Variants in EYA4 observed in about 807,000 individuals in gnomAD.
EYA4 encodes EYA transcriptional coactivator and phosphatase 4.
EYA4 carries 31 observed loss-of-function variants against 87.9 expected under a neutral mutation model. The observed-to-expected ratio is 0.35, with a 90% CI of 0.27 to 0.48. EYA4 has a LOEUF of 0.48. Among genes scored for constraint, EYA4 ranks in the 20% least tolerant of loss-of-function variants. EYA4 has a pLI of 0.99. For synonymous variants in EYA4, 263 were observed against 270.6 expected (o/e 0.97, Z 0.28); for missense variants, 678 against 761.4 (o/e 0.89, Z 1.29).
chr6:133,241,749 G>A lies in EYA4; in HGVS notation c.-66G>A, dbSNP rs1773954939. The A allele has an allele frequency of 6.6e-6, 1 of 152,478 alleles. No individual in the cohort carries two copies. The highest frequency in any genetic ancestry group is 6.5e-5 in the Admixed American group (1 of 15,290). 9.4% of individuals were successfully genotyped at this position (152,478 alleles called of 1,614,324 possible). On this transcript the variant is annotated splice_region_variant and 5_prime_UTR_variant, in exon 1 of 20. Coordinates refer to ENST00000355286, the MANE Select transcript of EYA4 (RefSeq NM_004100.5). Reference sequence around the variant, plus strand: ...GAACCCGAGGCGGACCGGGCGACGAGGTGAGTGACCCCTTCTTCCAACCCC... The same window carrying A: ...GAACCCGAGGCGGACCGGGCGACGAAGTGAGTGACCCCTTCTTCCAACCCC...
chr6:133,243,172 G>A (rs1387722948), intron 1 of EYA4, among the ~76,000 whole-genome samples: 1 of 151,582 alleles, frequency 6.6e-6, no homozygotes, highest in African/African-American at 2.4e-5. Context: ...AAACCCAGTG[G>A]GCCGTTGGCC....
intron 2 of EYA4, among the ~76,000 whole-genome samples, chr6:133,317,489 G>T (rs1168518764): frequency 1.3e-5 from 2 of 151,940 alleles, no homozygotes; most frequent in African/African-American, 2.4e-5. Flanking sequence ...ATGTATTTCT[G>T]CTCTCTTTGC....
At chr6:133,385,544 G>A (rs1583135532) in intron 3 of EYA4, among the ~76,000 whole-genome samples, 1 of 151,824 alleles carries the variant, frequency 6.6e-6, no homozygotes, top group African/African-American at 2.4e-5. Flanking sequence ...GTGAAATACT[G>A]TATCCGCATA....
At chr6:133,505,061 C>G (rs2128757455) in intron 13 of EYA4, among the ~76,000 whole-genome samples, 1 of 152,314 alleles carries the variant, frequency 6.6e-6, no homozygotes, top group Non-Finnish European at 1.5e-5. Flanking sequence ...CTTCTCCCTG[C>G]TAACACCCAT....
intron 13 of EYA4, among the ~76,000 whole-genome samples, chr6:133,494,567 A>G (rs906480876): frequency 6.6e-6 from 1 of 152,026 alleles, no homozygotes; most frequent in Non-Finnish European, 1.5e-5. Flanking sequence ...GTCCAGGCAC[A>G]GTAGCTCAGG....
At chr6:133,450,269 G>A (rs1191928879) in intron 5 of EYA4, among the ~76,000 whole-genome samples, 6 of 152,156 alleles carry the variant, frequency 3.9e-5, no homozygotes, top group Admixed American at 2.0e-4. Context: ...ACAGGCCTGA[G>A]GCACCGTGCC....
intron 3 of EYA4, among the ~76,000 whole-genome samples, chr6:133,398,510 A>AT (rs1003265593): frequency 1.2e-4 from 18 of 151,876 alleles, no homozygotes; most frequent in Admixed American, 2.6e-4. Context: ...TTCAGCTGCT[A>AT]TTTTTTTTCC....
At chr6:133,403,112 T>C (rs1026407595) in intron 3 of EYA4, among the ~76,000 whole-genome samples, 1 of 152,222 alleles carries the variant, frequency 6.6e-6, no homozygotes, top group African/African-American at 2.4e-5. Flanking sequence ...TTACTAATTT[T>C]GTGTTTATGC....
chr6:133,246,767 G>T (rs896988222), intron 1 of EYA4: 1 of 151,952 alleles, frequency 6.6e-6, no homozygotes, highest in Admixed American at 6.6e-5. Context: ...CAGGAATTTC[G>T]TGCAAAACAC....
chr6:133,427,452 T>C (rs1161191931), intron 3 of EYA4, among the ~76,000 whole-genome samples: 1 of 152,224 alleles, frequency 6.6e-6, no homozygotes, highest in Non-Finnish European at 1.5e-5. Flanking sequence ...GAGAACATTC[T>C]ACTCAAAGTA....
intron 3 of EYA4, among the ~76,000 whole-genome samples, chr6:133,393,141 C>G (rs1787446603): frequency 6.6e-6 from 1 of 152,114 alleles, no homozygotes; most frequent in African/African-American, 2.4e-5. Context: ...GCACTTAGAG[C>G]ATCTGTAGTG....
rs1800850783 is a variant in EYA4 at position 133,529,026 on chromosome 6, G to T, written c.*221G>T. On this transcript the variant is annotated 3_prime_UTR_variant, in exon 20 of 20. Transcript: ENST00000355286. ...GTCTTATATTTACAACACTTTAATGGGTTTTTTAAAAATCTGTGGAGGTTG... is the reference window on the plus strand; with the variant it reads ...GTCTTATATTTACAACACTTTAATGTGTTTTTTAAAAATCTGTGGAGGTTG... 2.3e-6 allele frequency: 3 copies of T among 1,324,776 alleles called. No homozygotes were observed. In the African/African-American group the frequency reaches 4.5e-5, roughly 20 times the overall value. 82.1% of individuals were successfully genotyped at this position (1,324,776 alleles called of 1,614,324 possible). A position where few individuals can be genotyped will look rare whatever the true frequency, so the allele number is the denominator to read the frequency against.
At chr6:133,487,293 A>G (rs867180466) in intron 13 of EYA4, among the ~76,000 whole-genome samples, 3 of 152,178 alleles carry the variant, frequency 2.0e-5, no homozygotes, top group South Asian at 2.1e-4. Context: ...GGGTCCAGGC[A>G]GTTTAGGCCA....
chr6:133,487,947 A>G (rs1272694771), intron 13 of EYA4, among the ~76,000 whole-genome samples: 1 of 152,128 alleles, frequency 6.6e-6, no homozygotes, highest in African/African-American at 2.4e-5. Flanking sequence ...CCCTGATTCC[A>G]GGCCATGGCT....
At chr6:133,243,787 A>G (rs1405253802) in intron 1 of EYA4, among the ~76,000 whole-genome samples, 1 of 152,046 alleles carries the variant, frequency 6.6e-6, no homozygotes, top group South Asian at 2.1e-4. Context: ...AGGAGACTGC[A>G]TTCAAAGACA....
At chr6:133,383,339 A>C (rs539903089) in intron 3 of EYA4, among the ~76,000 whole-genome samples, 1 of 151,966 alleles carries the variant, frequency 6.6e-6, no homozygotes, top group South Asian at 2.1e-4. Context: ...ATATGGTGAA[A>C]CCCCATCTCT....
chr6:133,271,739 GC>G (rs1270474269), intron 1 of EYA4, among the ~76,000 whole-genome samples: 1 of 152,158 alleles, frequency 6.6e-6, no homozygotes, highest in Non-Finnish European at 1.5e-5. Context: ...CTCCATCCCT[GC>G]CACCATGGCC....
At chr6:133,509,489 A>G (rs896005776) in intron 14 of EYA4, among the ~76,000 whole-genome samples, 2 of 152,114 alleles carry the variant, frequency 1.3e-5, no homozygotes, top group Non-Finnish European at 2.9e-5. Flanking sequence ...TGTTCCTCAC[A>G]TAATTCCTTA....
intron 2 of EYA4, among the ~76,000 whole-genome samples, chr6:133,314,645 A>C (rs1486465216): frequency 6.6e-6 from 1 of 152,194 alleles, no homozygotes; most frequent in Non-Finnish European, 1.5e-5. Flanking sequence ...AAAATATTTC[A>C]GTTTATCAAA....
Sources: gnomAD v4.1 joint callset for allele counts (sites outside exome capture counted in the v4.1 genomes callset) on GRCh38, gnomAD v4.1.1 for gene constraint, MANE v1.5 for transcripts, NCBI Gene and HGNC (gene_info 2026-07-23, HGNC 2026-07-21) for gene names.